The following SCN4A variants were observed in gnomAD, a reference collection of about 807,000 sequenced individuals.
The protein encoded by SCN4A is sodium channel protein type 4 subunit alpha.
Under a neutral mutation model 162.0 loss-of-function variants are expected in SCN4A, and 83 were observed. The observed-to-expected ratio is 0.51, with a 90% confidence interval of 0.43 to 0.61. The LOEUF (loss-of-function observed/expected upper bound fraction) is 0.61, where lower values mean the gene tolerates loss of function less well. SCN4A is among the 20% of genes least tolerant of loss of function. SCN4A has a pLI of 0.00. For missense variants in SCN4A, 2,196 were observed against 2,462.5 expected (o/e 0.89, Z 2.29); for synonymous variants, 944 against 985.1 (o/e 0.96, Z 0.78).
At position 63,948,065 on chromosome 17, in the gene SCN4A, TG is replaced by T. The variant is rs778795863; in HGVS notation, c.3145-3del. 2.5e-6 allele frequency: 4 copies of T among 1,593,050 alleles called. No individual in the cohort carries two copies. Among genetic ancestry groups the T allele is most frequent in the Non-Finnish European group, 3.4e-6 (4 of 1,164,316 alleles). On this transcript the variant is annotated splice_polypyrimidine_tract_variant and splice_region_variant and intron_variant, in intron 16 of 23. Transcript: ENST00000435607. ...CTCAATGTAGATGTCCTCGAAGGCC[TG>T]GGGGCACCAGCACCACCAGGGTGGC...
At chr17:63,969,930 A>G (rs1909565809) in intron 5 of SCN4A, among the ~76,000 whole-genome samples, 1 of 152,154 alleles carries the variant, frequency 6.6e-6, no homozygotes, top group Non-Finnish European at 1.5e-5. Flanking sequence ...GGTATGGGCC[A>G]CCACACCTGG....
chr17:63,941,543 C>T lies in SCN4A; in HGVS notation c.4739G>A (p.Ser1580Asn). The change falls in exon 24 of 24, where the codon AGC (serine) becomes AAC (asparagine). Residue 1580 changes from serine (S) to asparagine (N), a missense_variant. Transcript: ENST00000435607. This position sits in a 1 kb window ranked among gnomAD's most constrained non-coding sequence, Gnocchi z 6.2. Reference protein sequence around the residue: ...NPSIGICFFCSYIIISFLIVV... With the variant: ...NPSIGICFFCNYIIISFLIVV... ...GATGAGGAAGGAGATGATGATATAG[C>T]TGCAGAAGAAGCAGATGCCGATGGA... The T allele has an allele frequency of 6.2e-7, 1 of 1,614,148 alleles. No homozygotes were observed. Among genetic ancestry groups the T allele is most frequent in the Non-Finnish European group, 8.5e-7 (1 of 1,180,048 alleles).
chr17:63,947,583 A>C (rs1426958982), intron 17 of SCN4A, among the ~76,000 whole-genome samples: 6 of 152,190 alleles, frequency 3.9e-5, no homozygotes, highest in African/African-American at 1.4e-4. Context: ...GCAAGATCCC[A>C]TCTTAAAAAT....
At chr17:63,943,704 G>T in intron 22 of SCN4A, 42 bp downstream of exon 22, 1 of 1,270,670 alleles carries the variant, frequency 7.9e-7, no homozygotes, top group Non-Finnish European at 1.1e-6. Flanking sequence ...CTAGGCAGGA[G>T]CCTGGCAGCA....
chr17:63,972,632 G>C lies in SCN4A; in HGVS notation c.210C>G (p.Asp70Glu), dbSNP rs769263382. 1 of 1,610,022 alleles carries C rather than the reference G, an allele frequency of 6.2e-7. No individual in the cohort carries two copies. Among genetic ancestry groups the C allele is most frequent in the East Asian group, 2.2e-5 (1 of 44,720 alleles). ...AGKNLPMIYG[D>E]PPPEVIGIPL... Reference sequence around the variant, plus strand: ...GGATGCCGATGACCTCCGGCGGGGGGTCTCCGTAGATCATGGGTAGGTTCT... The same window carrying C: ...GGATGCCGATGACCTCCGGCGGGGGCTCTCCGTAGATCATGGGTAGGTTCT... Residue 70 changes from aspartate (D) to glutamate (E), a missense_variant, in exon 1 of 24, where the codon GAC becomes GAG. By Grantham distance (45) the Asp-to-Glu change is conservative (BLOSUM62 2). Transcript: ENST00000435607. This position sits in a 1 kb window ranked among gnomAD's most constrained non-coding sequence, Gnocchi z 4.3.
chr17:63,949,740 A>G, intron 14 of SCN4A: 1 of 524,486 alleles, frequency 1.9e-6, no homozygotes, highest in Admixed American at 3.4e-5. Flanking sequence ...TTATATAAGG[A>G]GTGGGGCGGG....
At position 63,959,443 on chromosome 17, in the gene SCN4A, G is replaced by C; in HGVS notation, c.1846-5C>G. 2 of 1,612,610 alleles carry C rather than the reference G, an allele frequency of 1.2e-6. No individual in the cohort carries two copies. Among genetic ancestry groups the C allele is most frequent in the South Asian group, 1.1e-5 (1 of 90,782 alleles). Reference sequence around the variant, plus strand: ...TGTGAAGATGCCTGTGAAGACCTAGGGGGTGGCATGAGGCCCTGTCACAGA... The same window carrying C: ...TGTGAAGATGCCTGTGAAGACCTAGCGGGTGGCATGAGGCCCTGTCACAGA... On this transcript the variant is annotated splice_polypyrimidine_tract_variant and splice_region_variant and intron_variant, in intron 11 of 23. Transcript: ENST00000435607.
chr17:63,941,906 A>G lies in SCN4A; in HGVS notation c.4376T>C (p.Leu1459Pro). The G allele has an allele frequency of 6.2e-7, 1 of 1,612,848 alleles. No individual in the cohort carries two copies. The highest frequency in any genetic ancestry group is 8.5e-7 in the Non-Finnish European group (1 of 1,178,884). ...GCCCTTGGCCCCGCGGATCAGCCGC[A>G]GGACACGCCCAATCCGCGCCAGGCG... ...VIRLARIGRV[L>P]RLIRGAKGIR... Residue 1459 changes from leucine (L) to proline (P), a missense_variant, in exon 24 of 24, where the codon CTG becomes CCG. Coordinates refer to ENST00000435607, the MANE Select transcript of SCN4A (RefSeq NM_000334.4). This position sits in a 1 kb window ranked among gnomAD's most constrained non-coding sequence, Gnocchi z 6.2.
Position 63,942,942 on chromosome 17 carries a change from A to T in SCN4A, c.4172T>A (p.Ile1391Asn), listed in dbSNP as rs1426883442. 17 of 1,613,968 alleles carry T rather than the reference A, an allele frequency of 1.1e-5. No homozygotes were observed. The highest frequency in any genetic ancestry group is 1.4e-5 in the Non-Finnish European group (17 of 1,179,876). The change falls in exon 23 of 24, where the codon ATC becomes AAC. Residue 1391 changes from isoleucine (I) to asparagine (N), a missense_variant. Transcript: ENST00000435607. Reference sequence around the variant, plus strand: ...CTCCCCTGTGAAGATGATGATGAAGATCATGTTGATGTTGTACAGGATGTC... The same window carrying T: ...CTCCCCTGTGAAGATGATGATGAAGTTCATGTTGATGTTGTACAGGATGTC... ...KVDILYNINM[I>N]FIIIFTGECV...
rs776285765 is a variant in SCN4A at position 63,959,426 on chromosome 17, T to C, written c.1858A>G (p.Ile620Val). ...TTCAGAACCATCTCTGCTGTGAAGATGCCTGTGAAGACCTAGGGGGTGGCA... is the reference window on the plus strand; with the variant it reads ...TTCAGAACCATCTCTGCTGTGAAGACGCCTGTGAAGACCTAGGGGGTGGCA... ...LTVGNLVFTGIFTAEMVLKLI... is the reference protein window; with the variant it reads ...LTVGNLVFTGVFTAEMVLKLI... The change falls in exon 12 of 24, where the codon ATC becomes GTC. Residue 620 changes from isoleucine (I) to valine (V), a missense_variant. Physicochemically the swap from Ile to Val is conservative, Grantham distance 29. Transcript: ENST00000435607. 1 of 1,613,704 alleles carries C rather than the reference T, an allele frequency of 6.2e-7. No individual in the cohort carries two copies. Among genetic ancestry groups the C allele is most frequent in the Non-Finnish European group, 8.5e-7 (1 of 1,179,736 alleles).
chr17:63,968,249 C>T lies in SCN4A; in HGVS notation c.810G>A (p.Gln270=), dbSNP rs755446880. 1.9e-5 allele frequency: 31 copies of T among 1,614,058 alleles called. 1 individual carries two copies. The South Asian group carries it at 3.0e-4, about 15-fold the overall frequency. ...TCTGCCTCAGGTTTCCCATGAAGAG[C>T]TGCAGTCCTACCAGCGCAAAGACGC... ...CLSVFALVGL[Q]LFMGNLRQKC... is the part of the protein sequence containing the mutation. Residue 270 remains glutamine, a synonymous_variant, in exon 6 of 24, where the codon CAG becomes CAA. Coordinates refer to ENST00000435607, the MANE Select transcript of SCN4A (RefSeq NM_000334.4).
At chr17:63,961,515 T>C (rs1261625554) in intron 10 of SCN4A, 84 bp from the exon 11 acceptor site, 1 of 978,422 alleles carries the variant, frequency 1.0e-6, no homozygotes, top group African/African-American at 1.6e-5. Flanking sequence ...TGTTCCACCT[T>C]CCAAGCCCCG....
intron 15 of SCN4A, 26 bp downstream of exon 15, chr17:63,949,367 C>A: frequency 1.3e-6 from 2 of 1,552,516 alleles, no homozygotes; most frequent in Non-Finnish European, 8.7e-7. Flanking sequence ...GGGGAGACAC[C>A]CAGATGAGGT....
In SCN4A at chr17:63,945,589, A is replaced by C. The variant is rs1444949985; in HGVS notation, c.3491T>G (p.Leu1164Arg). 1 of 1,614,078 alleles carries C rather than the reference A, an allele frequency of 6.2e-7. No homozygotes were observed. Residue 1164 changes from leucine (L) to arginine (R), a missense_variant, in exon 19 of 24, where the codon CTG becomes CGG. Leu to Arg is a moderately radical substitution (Grantham distance 102). Coordinates refer to ENST00000435607, the MANE Select transcript of SCN4A (RefSeq NM_000334.4). The surrounding 1 kb of genome is among the most constrained non-coding windows in gnomAD (Gnocchi z 4.4). The stretch of plus-strand genomic sequence containing the variant: ...CAGCCAGAAGATGAGGCAGACAAGC[A>C]GCACATTCATGATGGAGGGGATGGC... Reference protein sequence around the residue: ...LGAIPSIMNVLLVCLIFWLIF... With the variant: ...LGAIPSIMNVRLVCLIFWLIF...
At chr17:63,953,824 C>G (rs1202338057) in intron 13 of SCN4A, among the ~76,000 whole-genome samples, 3 of 152,186 alleles carry the variant, frequency 2.0e-5, no homozygotes, top group Non-Finnish European at 4.4e-5. Context: ...GTGGCCTGCT[C>G]TAGGACACAG....
Position 63,961,348 on chromosome 17 carries a change from A to G in SCN4A, c.1690T>C (p.Trp564Arg), listed in dbSNP as rs752768651. 6.2e-6 allele frequency: 10 copies of G among 1,613,884 alleles called. No individual in the cohort carries two copies. In the South Asian group the frequency reaches 1.1e-4, roughly 18 times the overall value. ...KVLIWNCCAP[W>R]LKFKNIIHLI... is the part of the protein sequence containing the mutation. ...TGGATGATGTTCTTGAACTTCAGCC[A>G]CGGGGCGCAGCAGTTCCATATGAGC... Residue 564 changes from tryptophan to arginine, a missense_variant, in exon 11 of 24, where the codon TGG becomes CGG. By Grantham distance (101) the Trp-to-Arg change is moderately radical. Transcript: ENST00000435607.
rs138670794 is a variant in SCN4A, at chr17:63,972,426, G to A, written c.318C>T (p.Ser106=). The change falls in exon 2 of 24, where the codon TCC becomes TCT. Residue 106 remains serine, a synonymous_variant. Transcript: ENST00000435607. The surrounding 1 kb of genome is among the most constrained non-coding windows in gnomAD (Gnocchi z 4.3). ...TCAGCAGGTAGAGAGCAGGTGTGGC[G>A]GAGAAGCGGAAGATGGCCTTGCCCT... The part of the protein sequence containing the change: ...LNKGKAIFRF[S]ATPALYLLSP... 2.1e-4 allele frequency: 339 copies of A among 1,613,952 alleles called. 2 individuals are homozygous for A. The African/African-American group carries it at 3.3e-3, about 16-fold the overall frequency.
intron 17 of SCN4A, among the ~76,000 whole-genome samples, chr17:63,947,476 G>A (rs1256068275): frequency 6.6e-6 from 1 of 152,194 alleles, no homozygotes; most frequent in Admixed American, 6.5e-5. Context: ...ATTCCTGGCC[G>A]GGCATGGTGG....
Position 63,943,771 on chromosome 17 carries a change from G to T in SCN4A, c.3992C>A (p.Pro1331His). Reference protein sequence around the residue: ...NAMKKLGSKKPQKPIPRPQNK... With the variant: ...NAMKKLGSKKHQKPIPRPQNK... ...CTGGGGCCGGGGAATTGGCTTCTGA[G>T]GCTTCTTGGAGCCAAGCTTCTTCAT... Residue 1331 changes from proline (P) to histidine (H), a missense_variant, in exon 22 of 24, where the codon CCT (proline) becomes CAT (histidine). Pro to His is a moderately conservative substitution (Grantham distance 77, BLOSUM62 -2). Coordinates refer to ENST00000435607, the MANE Select transcript of SCN4A (RefSeq NM_000334.4). 6.2e-7 allele frequency: 1 copy of T among 1,612,584 alleles called. No individual in the cohort carries two copies. The highest frequency in any genetic ancestry group is 8.5e-7 in the Non-Finnish European group (1 of 1,178,700).
Sources: allele counts gnomAD v4.1 joint callset (sites outside exome capture counted in the v4.1 genomes callset), GRCh38; gene constraint gnomAD v4.1.1; non-coding constraint Gnocchi (gnomAD v3.1); transcripts MANE v1.5; gene names NCBI Gene and HGNC (gene_info 2026-07-23, HGNC 2026-07-21).